Variants in TSC22D2 observed in about 807,000 individuals in gnomAD.
The protein encoded by TSC22D2 is TSC22 domain family member 2, also known as TSC22 domain family protein 2.
A neutral mutation model predicts 50.1 loss-of-function variants in TSC22D2; 5 were observed. The ratio of observed to expected loss-of-function variants is 0.10; its 90% CI spans 0.05 to 0.21. The LOEUF is 0.21. TSC22D2 is among the 10% of genes least tolerant of loss of function. The pLI, the probability that TSC22D2 is intolerant of heterozygous loss-of-function variation, is 1.00. For synonymous variants in TSC22D2, 501 were observed against 450.1 expected (o/e 1.11, Z -1.43); for missense variants, 1,003 against 1,015.5 (o/e 0.99, Z 0.17).
At chr3:150,432,517 T>G (rs886386382) in intron 1 of TSC22D2, among the ~76,000 whole-genome samples, 2 of 151,920 alleles carry the variant, frequency 1.3e-5, no homozygotes, top group African/African-American at 4.8e-5. Context: ...TTTGTACATG[T>G]GAACTAATTC....
chr3:150,418,962 C>T (rs1223617067), intron 1 of TSC22D2, among the ~76,000 whole-genome samples: 4 of 151,990 alleles, frequency 2.6e-5, no homozygotes, highest in Non-Finnish European at 5.9e-5. Flanking sequence ...TTTGGTACCC[C>T]TGGCTCTAAG....
At chr3:150,423,108 G>A in intron 1 of TSC22D2, 1 of 1,612,590 alleles carries the variant, frequency 6.2e-7, no homozygotes, top group Non-Finnish European at 8.5e-7. Flanking sequence ...GAATCAAAGA[G>A]CCTCTGGGAT....
chr3:150,450,895 G>A (rs1721022077), intron 1 of TSC22D2, among the ~76,000 whole-genome samples: 1 of 152,140 alleles, frequency 6.6e-6, no homozygotes, highest in East Asian at 1.9e-4. Flanking sequence ...ATGCATTTTA[G>A]TAGTAATGAT....
chr3:150,434,330 CAG>C (rs894288107), intron 1 of TSC22D2, among the ~76,000 whole-genome samples: 1 of 151,936 alleles, frequency 6.6e-6, no homozygotes, highest in Non-Finnish European at 1.5e-5. Context: ...TTCATAAAGA[CAG>C]GGTTTCAGCA....
At chr3:150,433,766 T>G (rs1328732705) in intron 1 of TSC22D2, among the ~76,000 whole-genome samples, 1 of 152,196 alleles carries the variant, frequency 6.6e-6, no homozygotes, top group African/African-American at 2.4e-5. Flanking sequence ...GCATAATATA[T>G]TATGGTTTCT....
In TSC22D2 at chr3:150,409,620, A is replaced by G; in HGVS notation, c.270A>G (p.Leu90=). The change falls in exon 1 of 3, where the codon CTA becomes CTG. Residue 90 remains leucine, a synonymous_variant. Coordinates refer to ENST00000688009, the MANE Select transcript of TSC22D2 (RefSeq NM_001303264.2). This position sits in a 1 kb window ranked among gnomAD's most constrained non-coding sequence, Gnocchi z 7.4. The part of the protein sequence containing the change: ...TPGTVSPNLL[L]DGQLAAAAAA... ...GGACCGTCTCCCCAAACCTCCTCCT[A>G]GATGGGCAGCTGGCAGCGGCGGCTG... 1 of 1,609,772 alleles carries G rather than the reference A, an allele frequency of 6.2e-7. No individual in the cohort carries two copies. The highest frequency in any genetic ancestry group is 1.7e-4 in the Middle Eastern group (1 of 6,050).
At chr3:150,445,819 G>A (rs1236024191) in intron 1 of TSC22D2, among the ~76,000 whole-genome samples, 1 of 152,132 alleles carries the variant, frequency 6.6e-6, no homozygotes, top group African/African-American at 2.4e-5. Context: ...TGGATTAAAA[G>A]TCAGCTAGCC....
intron 1 of TSC22D2, among the ~76,000 whole-genome samples, chr3:150,421,466 G>A (rs2868429): frequency 0.068 from 10,312 of 152,258 alleles, 566 homozygotes; most frequent in African/African-American, 0.14. Flanking sequence ...GATGTAAGCC[G>A]TTAAATAAAC....
chr3:150,452,456 A>AG (rs549639141), intron 1 of TSC22D2, among the ~76,000 whole-genome samples: 2 of 152,036 alleles, frequency 1.3e-5, no homozygotes, highest in Non-Finnish European at 2.9e-5. Context: ...AAAAAAAAAA[A>AG]AGAGAGAGAG....
chr3:150,417,300 C>T (rs1719848361), intron 1 of TSC22D2, among the ~76,000 whole-genome samples: 1 of 151,854 alleles, frequency 6.6e-6, no homozygotes, highest in Non-Finnish European at 1.5e-5. Context: ...TAAAGGATTC[C>T]CAAAGGTAAG....
At chr3:150,424,071 G>T (rs943295307) in intron 1 of TSC22D2, among the ~76,000 whole-genome samples, 6 of 151,972 alleles carry the variant, frequency 3.9e-5, no homozygotes, top group African/African-American at 1.4e-4. Context: ...TTAATTCTTC[G>T]GCTTGATTTG....
rs1040746183 is a variant in TSC22D2 at position 150,459,943 on chromosome 3, A to C, written c.*1307A>C. 20 of 152,118 alleles carry C rather than the reference A, an allele frequency of 1.3e-4. No individual in the cohort carries two copies. Among genetic ancestry groups the C allele is most frequent in the African/African-American group, 4.1e-4 (17 of 41,450 alleles). The allele number at this position is 152,118 out of a possible 1,614,324, so 9.4% of individuals were successfully genotyped here. A position where few individuals can be genotyped will look rare whatever the true frequency, so the allele number is the denominator to read the frequency against. On this transcript the variant is annotated 3_prime_UTR_variant, in exon 3 of 3. Coordinates refer to ENST00000688009, the MANE Select transcript of TSC22D2 (RefSeq NM_001303264.2). ...GATTTTAATGTATTTAATAAATGCA[A>C]CATGCAGATTAAGTGCAGTGTATAC...
intron 1 of TSC22D2, among the ~76,000 whole-genome samples, chr3:150,446,273 A>G (rs1720887027): frequency 6.6e-6 from 1 of 152,184 alleles, no homozygotes; most frequent in Admixed American, 6.5e-5. Context: ...TTTAGACAAG[A>G]GATAATAAAC....
chr3:150,458,646 A>C lies in TSC22D2; in HGVS notation c.*10A>C. Reference sequence around the variant, plus strand: ...TGTCTCCTCAGCATAAAGCTTTCTTAAGCCTCATTAAGAAAAAAACTGAAA... The same window carrying C: ...TGTCTCCTCAGCATAAAGCTTTCTTCAGCCTCATTAAGAAAAAAACTGAAA... On this transcript the variant is annotated 3_prime_UTR_variant, in exon 3 of 3. Transcript: ENST00000688009. 6.2e-7 allele frequency: 1 copy of C among 1,610,434 alleles called. No individual in the cohort carries two copies.
At position 150,410,329 on chromosome 3, in the gene TSC22D2, A is replaced by G. The variant is rs762961685; in HGVS notation, c.979A>G (p.Thr327Ala). 2 of 1,582,160 alleles carry G rather than the reference A, an allele frequency of 1.3e-6. No homozygotes were observed. Among genetic ancestry groups the G allele is most frequent in the South Asian group, 2.3e-5 (2 of 87,612 alleles). The change falls in exon 1 of 3, where the codon ACG (threonine) becomes GCG (alanine). Residue 327 changes from threonine to alanine, a missense_variant. Around this residue, in one of 6 missense-constraint regions of TSC22D2, gnomAD observed 696 missense variants for 647.8 expected, o/e 1.07. Transcript: ENST00000688009. ...GCCCGGGGGACAGACTCTGCCGCCG[A>G]CGAATGTAACCCTGGCGCAGCCGGC... The part of the protein sequence containing the change: ...AGPGGQTLPP[T>A]NVTLAQPAMS...
chr3:150,465,433 A>C lies in TSC22D2; in HGVS notation c.*6797A>C, dbSNP rs935555837. Reference sequence around the variant, plus strand: ...CAAAAGCTGGAAAGGGTGTGGAAAAACAGGAATACATTGCTAGTGAGCATA... The same window carrying C: ...CAAAAGCTGGAAAGGGTGTGGAAAACCAGGAATACATTGCTAGTGAGCATA... On this transcript the variant is annotated 3_prime_UTR_variant, in exon 3 of 3. Coordinates refer to ENST00000688009, the MANE Select transcript of TSC22D2 (RefSeq NM_001303264.2). 2 of 152,190 alleles carry C rather than the reference A, an allele frequency of 1.3e-5. No homozygotes were observed. Among genetic ancestry groups the C allele is most frequent in the Admixed American group, 1.3e-4 (2 of 15,276 alleles). The allele number at this position is 152,190 out of a possible 1,614,324, so 9.4% of individuals were successfully genotyped here.
intron 1 of TSC22D2, among the ~76,000 whole-genome samples, chr3:150,431,845 C>T (rs1356177097): frequency 3.3e-5 from 5 of 152,120 alleles, no homozygotes; most frequent in Non-Finnish European, 5.9e-5. Context: ...ACTTCCCTTT[C>T]TGTACTGTGA....
intron 1 of TSC22D2, chr3:150,423,023 T>C (rs1395871713): frequency 1.9e-6 from 3 of 1,594,838 alleles, no homozygotes; most frequent in Non-Finnish European, 2.6e-6. Flanking sequence ...TCAACCTCAT[T>C]TCCATTTGAT....
In TSC22D2 at chr3:150,465,754, A is replaced by G. The variant is rs1559855307; in HGVS notation, c.*7118A>G. 6.6e-6 allele frequency: 1 copy of G among 152,180 alleles called. No individual in the cohort carries two copies. The highest frequency in any genetic ancestry group is 2.4e-5 in the African/African-American group (1 of 41,446). The allele number at this position is 152,180 out of a possible 1,614,324, so 9.4% of individuals were successfully genotyped here. Reference sequence around the variant, plus strand: ...TAAACTTCAAACCTTTCTGCATAGTATAATAAAAATCTCTCACTATCCCTC... The same window carrying G: ...TAAACTTCAAACCTTTCTGCATAGTGTAATAAAAATCTCTCACTATCCCTC... On this transcript the variant is annotated 3_prime_UTR_variant, in exon 3 of 3. Coordinates refer to ENST00000688009, the MANE Select transcript of TSC22D2 (RefSeq NM_001303264.2).
Sources: gnomAD v4.1 joint callset for allele counts (sites outside exome capture counted in the v4.1 genomes callset) on GRCh38, gnomAD v4.1.1 for gene constraint, gnomAD v4.1.1 regional missense constraint, Gnocchi (gnomAD v3.1) non-coding constraint, MANE v1.5 for transcripts, NCBI Gene and HGNC (gene_info 2026-07-23, HGNC 2026-07-21) for gene names.